Variants in AKAP13 observed in about 807,000 individuals in gnomAD.
AKAP13 encodes the protein A-kinase anchoring protein 13, also known as A-kinase anchor protein 13.
Under a neutral mutation model 264.5 loss-of-function variants are expected in AKAP13, and 80 were observed. The observed-to-expected ratio is 0.30, with a 90% confidence interval of 0.25 to 0.36. AKAP13 has a LOEUF of 0.36. Among genes scored for constraint, AKAP13 ranks in the 10% least tolerant of loss-of-function variants. The pLI is 1.00. For missense variants in AKAP13, 3,712 were observed against 3,435.2 expected (o/e 1.08, Z -2.01); for synonymous variants, 1,380 against 1,250.2 (o/e 1.10, Z -2.19).
At chr15:85,382,782 G>C (rs113808791) in intron 1 of AKAP13, among the ~76,000 whole-genome samples, 111 of 152,238 alleles carry the variant, frequency 7.3e-4, no homozygotes, top group African/African-American at 2.5e-3. Flanking sequence ...CCTCTTTGCC[G>C]GTAGTCTTAA....
At chr15:85,645,775 G>GTTT (rs71468130) in intron 9 of AKAP13, 43 bp from the exon 10 acceptor site, 22,264 of 1,356,818 alleles carry the variant, frequency 0.016, 20 homozygotes, top group Middle Eastern at 0.027. Flanking sequence ...TGGTTTTTTT[G>GTTT]TTTTTTTTTT....
At chr15:85,651,594 T>G (rs2082852246) in intron 10 of AKAP13, 2 of 152,234 alleles carry the variant, frequency 1.3e-5, no homozygotes, top group Non-Finnish European at 2.9e-5. Context: ...TGTGCATTGT[T>G]CCGATTTTAG....
In AKAP13 at chr15:85,423,591, G is replaced by A. The variant is rs944785407; in HGVS notation, c.-12+42793G>A. Reference sequence around the variant, plus strand: ...ATGTCCAGTGACTTCTCCCATTGAAGTCTGGAACCCCTCCAAGTCATCCAT... The same window carrying A: ...ATGTCCAGTGACTTCTCCCATTGAAATCTGGAACCCCTCCAAGTCATCCAT... On this transcript the variant is annotated intron_variant, in intron 1 of 36. Transcript: ENST00000394518. Among the ~76,000 whole-genome samples, 8 of 152,174 alleles carry A rather than the reference G, an allele frequency of 5.3e-5. No homozygotes were observed. In the East Asian group the frequency reaches 1.3e-3, roughly 26 times the overall value.
At chr15:85,623,830 C>A (rs949659818) in intron 8 of AKAP13, among the ~76,000 whole-genome samples, 5 of 152,218 alleles carry the variant, frequency 3.3e-5, no homozygotes, top group African/African-American at 1.2e-4. Context: ...CTGACTCTTA[C>A]AGTATGTGGT....
chr15:85,540,037 A>G (rs1410611404), intron 4 of AKAP13, among the ~76,000 whole-genome samples: 1 of 152,212 alleles, frequency 6.6e-6, no homozygotes, highest in Admixed American at 6.5e-5. Flanking sequence ...GTTCAAGTAG[A>G]GAAGCAGAAC....
chr15:85,498,254 C>T (rs2075943810), intron 2 of AKAP13, among the ~76,000 whole-genome samples: 1 of 140,140 alleles, frequency 7.1e-6, no homozygotes, highest in Admixed American at 7.1e-5. Flanking sequence ...ATAGATAAAA[C>T]TTTAGATATA....
At chr15:85,399,661 C>G (rs2071330200) in intron 1 of AKAP13, among the ~76,000 whole-genome samples, 2 of 151,624 alleles carry the variant, frequency 1.3e-5, no homozygotes, top group Non-Finnish European at 2.9e-5. Flanking sequence ...TGAAGAAACT[C>G]ACGAAGCATC....
chr15:85,506,451 G>T (rs188749281), intron 2 of AKAP13, among the ~76,000 whole-genome samples: 2 of 152,112 alleles, frequency 1.3e-5, no homozygotes, highest in Admixed American at 6.5e-5. Flanking sequence ...GGAAGCTTAC[G>T]TAACAGTTGG....
At chr15:85,641,772 A>T (rs556565691) in intron 9 of AKAP13, among the ~76,000 whole-genome samples, 3 of 152,172 alleles carry the variant, frequency 2.0e-5, no homozygotes, top group African/African-American at 7.2e-5. Context: ...GATTACAGGC[A>T]TGAGCCACCG....
chr15:85,677,230 T>G (rs1597021144), intron 14 of AKAP13: 13 of 782,614 alleles, frequency 1.7e-5, no homozygotes, highest in African/African-American at 1.9e-5. Context: ...GTAAGTCATT[T>G]GTCTTTATGC....
At chr15:85,534,009 C>A in intron 4 of AKAP13, 129 bp downstream of exon 4, 4 of 1,076,214 alleles carry the variant, frequency 3.7e-6, no homozygotes, top group Non-Finnish European at 5.2e-6. Context: ...CTTAGAATTA[C>A]TGTAGGAAAG....
At chr15:85,578,409 G>A (rs1462948860) in intron 6 of AKAP13, among the ~76,000 whole-genome samples, 1 of 152,134 alleles carries the variant, frequency 6.6e-6, no homozygotes, top group Non-Finnish European at 1.5e-5. Flanking sequence ...GTGCAGTGGT[G>A]CTGTCTCGGC....
intron 1 of AKAP13, among the ~76,000 whole-genome samples, chr15:85,475,543 T>TA (rs2075130602): frequency 6.6e-6 from 1 of 152,220 alleles, no homozygotes; most frequent in African/African-American, 2.4e-5. Context: ...TGTGGGATCC[T>TA]AAGTATAGTG....
chr15:85,536,912 C>T (rs1316361514), intron 4 of AKAP13: 1 of 152,116 alleles, frequency 6.6e-6, no homozygotes, highest in Non-Finnish European at 1.5e-5. Context: ...CTGTAAGAAT[C>T]TATGCATGTG....
intron 14 of AKAP13, among the ~76,000 whole-genome samples, chr15:85,679,001 G>T (rs1399301281): frequency 6.6e-6 from 1 of 152,056 alleles, no homozygotes. Context: ...GCACTTTTGG[G>T]AGACTGAGGT....
intron 1 of AKAP13, among the ~76,000 whole-genome samples, chr15:85,461,542 C>A (rs1262811809): frequency 1.3e-5 from 2 of 152,104 alleles, no homozygotes; most frequent in African/African-American, 4.8e-5. Flanking sequence ...TTCAGCAATC[C>A]TTGCTACATA....
chr15:85,496,768 A>G (rs916491029), intron 2 of AKAP13, among the ~76,000 whole-genome samples: 1 of 152,170 alleles, frequency 6.6e-6, no homozygotes. Context: ...TTAACAATAC[A>G]TTTCTGATAG....
At chr15:85,512,237 G>T (rs548915964) in intron 2 of AKAP13, among the ~76,000 whole-genome samples, 3 of 152,232 alleles carry the variant, frequency 2.0e-5, no homozygotes, top group African/African-American at 7.2e-5. Flanking sequence ...GTGGTGAAGA[G>T]AAACATGTAC....
Position 85,740,229 on chromosome 15 carries a change from T to G in AKAP13, c.7565T>G (p.Val2522Gly), listed in dbSNP as rs975495235. ...ATTTTGTTCCTTTGGCAGCAGGTTG[T>G]CCAGAGCGTTGTTCATCTCTACGAG... Reference protein sequence around the residue: ...FMLKRNSEQVVQSVVHLYELL... With the variant: ...FMLKRNSEQVGQSVVHLYELL... Residue 2522 changes from valine to glycine, a missense_variant, in exon 34 of 37, where the codon GTC becomes GGC. By Grantham distance (109) the Val-to-Gly change is moderately radical. Transcript: ENST00000394518. 45 of 1,614,230 alleles carry G rather than the reference T, an allele frequency of 2.8e-5. No homozygotes were observed. Among genetic ancestry groups the G allele is most frequent in the Non-Finnish European group, 3.8e-5 (45 of 1,180,018 alleles).
Sources: gnomAD v4.1 joint callset for allele counts (sites outside exome capture counted in the v4.1 genomes callset) on GRCh38, gnomAD v4.1.1 for gene constraint, MANE v1.5 for transcripts, NCBI Gene and HGNC (gene_info 2026-07-23, HGNC 2026-07-21) for gene names.